The following CENPI variants were observed in gnomAD, a reference collection of about 807,000 sequenced individuals.
CENPI encodes the protein FSH primary response 1.
A neutral mutation model predicts 60.4 loss-of-function variants in CENPI; 4 were observed. The observed-to-expected ratio is 0.07, with a 90% CI of 0.03 to 0.15. The LOEUF (loss-of-function observed/expected upper bound fraction) is 0.15. Among genes scored for constraint, CENPI ranks in the 10% least tolerant of loss-of-function variants. The probability of loss-of-function intolerance (pLI) is 1.00; values close to 1 mark genes in which losing one functional copy is unlikely to be tolerated. For synonymous variants in CENPI, 157 were observed against 189.4 expected, an observed-to-expected ratio of 0.83 and a Z score of 1.40; for missense variants, 444 against 534.5, an observed-to-expected ratio of 0.83 and a Z score of 1.67.
chrX:101,145,312 A>G (rs1346683675), intron 17 of CENPI, 113 bp downstream of exon 17: 2 of 578,098 alleles, frequency 3.5e-6, no homozygotes, highest in Non-Finnish European at 5.4e-6. Context: ...TCTTATTAGC[A>G]TCATTAAAAT....
chrX:101,140,802 C>T, intron 16 of CENPI, 42 bp downstream of exon 16: 2 of 920,225 alleles, frequency 2.2e-6, no homozygotes, highest in Non-Finnish European at 3.2e-6. Flanking sequence ...GATCTGTATA[C>T]AAATGTTTGC....
At position 101,156,432 on chromosome X, in the gene CENPI, G is replaced by A. The variant is rs755244561; in HGVS notation, c.2095-5096G>A. ...AAGGTGAAAGGAATAGCCTCAGGAAGATTGATTTATTGCTAAAAGGGAAAA... is the reference window on the plus strand; with the variant it reads ...AAGGTGAAAGGAATAGCCTCAGGAAAATTGATTTATTGCTAAAAGGGAAAA... On this transcript the variant is annotated intron_variant, in intron 20 of 21. Coordinates refer to ENST00000682095, the MANE Select transcript of CENPI (RefSeq NM_001386188.2). Among the ~76,000 whole-genome samples, 4 of 112,216 alleles carry A rather than the reference G, an allele frequency of 3.6e-5. No individual in the cohort carries two copies. In the South Asian group the frequency reaches 1.5e-3, roughly 41 times the overall value.
chrX:101,122,443 T>A (rs926952581), intron 8 of CENPI, among the ~76,000 whole-genome samples: 5 of 112,272 alleles, frequency 4.5e-5, no homozygotes, highest in Non-Finnish European at 7.5e-5. Flanking sequence ...TATTTTTTCT[T>A]AGTTCTCTGA....
intron 20 of CENPI, among the ~76,000 whole-genome samples, chrX:101,154,919 A>C: frequency 8.9e-6 from 1 of 111,792 alleles, no homozygotes; most frequent in Middle Eastern, 4.6e-3. Flanking sequence ...TTGATCTTAT[A>C]TCTCATAATG....
At chrX:101,143,340 A>T (rs1429051792) in intron 16 of CENPI, among the ~76,000 whole-genome samples, 1 of 111,404 alleles carries the variant, frequency 9.0e-6, no homozygotes, top group Non-Finnish European at 1.9e-5. Context: ...TTAACATTGG[A>T]TTGAAGGACA....
At position 101,146,241 on chromosome X, in the gene CENPI, C is replaced by T; in HGVS notation, c.1790C>T (p.Thr597Ile). 1.7e-6 allele frequency: 2 copies of T among 1,209,403 alleles called. No individual in the cohort carries two copies. Among genetic ancestry groups the T allele is most frequent in the Non-Finnish European group, 2.2e-6 (2 of 893,810 alleles). ...TATTCTGCACTCCTCAGCCTGGATA[C>T]CAGCATCCTGAACCAGCTGTGTTTT... ...IFYSALLSLD[T>I]SILNQLCFIM... The change falls in exon 18 of 22, where the codon ACC (threonine) becomes ATC (isoleucine). Residue 597 changes from threonine to isoleucine, a missense_variant. Transcript: ENST00000682095.
In CENPI at chrX:101,146,972, G is replaced by C. The variant is rs1383982201; in HGVS notation, c.1826+695G>C. Among the ~76,000 whole-genome samples, 5 of 111,679 alleles carry C rather than the reference G, an allele frequency of 4.5e-5. No individual in the cohort carries two copies. The East Asian group carries it at 1.4e-3, about 31-fold the overall frequency. On this transcript the variant is annotated intron_variant, in intron 18 of 21. Transcript: ENST00000682095. ...GCTGGTCTCGAACTCCTGACCTCAG[G>C]TAATCCACCCACCTCGGCCTCCCAA... is the stretch of plus-strand genomic sequence containing the variant.
chrX:101,175,708 A>C, the CENPI span, among the ~76,000 whole-genome samples: 1 of 111,809 alleles, frequency 8.9e-6, no homozygotes, highest in African/African-American at 3.3e-5. Flanking sequence ...TGCATGGGAT[A>C]CATTATTACA....
At position 101,145,465 on chromosome X, in the gene CENPI, T is replaced by C. The variant is rs190292253; in HGVS notation, c.1701+266T>C. ...AATACTGGCCCTAGAGAGAAGTCTA[T>C]TGTTAGCATTATTTTTTGTTCATCC... On this transcript the variant is annotated intron_variant, in intron 17 of 21. Coordinates refer to ENST00000682095, the MANE Select transcript of CENPI (RefSeq NM_001386188.2). 4.7e-3 allele frequency among the ~76,000 whole-genome samples: 518 copies of C among 110,612 alleles called. 1 individual carries two copies. The highest frequency in any genetic ancestry group is 0.019 in the Middle Eastern group (4 of 213).
chrX:101,128,694 A>G (rs771623135), intron 11 of CENPI, 22 bp from the exon 12 acceptor site: 2 of 1,194,310 alleles, frequency 1.7e-6, no homozygotes, highest in South Asian at 1.8e-5. Flanking sequence ...TTAACTGTTG[A>G]TCGGTTGTTC....
At chrX:101,138,947 T>G (rs1170944938) in intron 15 of CENPI, among the ~76,000 whole-genome samples, 10 of 105,171 alleles carry the variant, frequency 9.5e-5, no homozygotes, top group Non-Finnish European at 2.0e-5. Flanking sequence ...TTTCTACTTT[T>G]TTTTTTTTTT....
downstream of CENPI, among the ~76,000 whole-genome samples, chrX:101,168,584 A>T (rs1475860011): frequency 9.0e-6 from 1 of 111,720 alleles, no homozygotes; most frequent in East Asian, 2.8e-4. Flanking sequence ...AACAAAACAA[A>T]ACAAAAAATC....
intron 20 of CENPI, among the ~76,000 whole-genome samples, chrX:101,159,543 C>G (rs908325225): frequency 1.8e-5 from 2 of 109,218 alleles, no homozygotes; most frequent in Admixed American, 2.0e-4. Flanking sequence ...TCTGAAACCT[C>G]CGCCTCCCGA....
chrX:101,132,492 T>G, intron 15 of CENPI, 36 bp downstream of exon 15: 1 of 1,079,028 alleles, frequency 9.3e-7, no homozygotes, highest in African/African-American at 1.8e-5. Flanking sequence ...TTCAATAGGA[T>G]GTATTATTCT....
chrX:101,135,585 C>T (rs900600912), intron 15 of CENPI, among the ~76,000 whole-genome samples: 2 of 112,417 alleles, frequency 1.8e-5, no homozygotes, highest in Admixed American at 1.9e-4. Flanking sequence ...AATATTTAGC[C>T]TAACAAATTC....
intron 15 of CENPI, among the ~76,000 whole-genome samples, chrX:101,140,040 G>A (rs1357489823): frequency 5.4e-5 from 6 of 110,555 alleles, no homozygotes; most frequent in Admixed American, 3.9e-4. Flanking sequence ...GTTTCACCGC[G>A]TTAGCCAGGA....
intron 20 of CENPI, among the ~76,000 whole-genome samples, chrX:101,155,345 A>G (rs1208255575): frequency 9.0e-6 from 1 of 110,549 alleles, no homozygotes; most frequent in Non-Finnish European, 1.9e-5. Context: ...ACCCGCCACC[A>G]CGCCCGGCTA....
chrX:101,151,853 A>C (rs184460262), intron 20 of CENPI, among the ~76,000 whole-genome samples: 349 of 108,841 alleles, frequency 3.2e-3, no homozygotes, highest in African/African-American at 0.01. Flanking sequence ...AAAAAAAAAA[A>C]AAAACAAGAA....
chrX:101,169,967 TTTTAAG>T (rs2090152982), downstream of CENPI, among the ~76,000 whole-genome samples: 1 of 112,417 alleles, frequency 8.9e-6, no homozygotes, highest in African/African-American at 3.2e-5. Context: ...AATTTTAAAA[TTTTAAG>T]TATATGAAGT....
Sources: gnomAD v4.1 joint callset for allele counts (sites outside exome capture counted in the v4.1 genomes callset) on GRCh38, gnomAD v4.1.1 for gene constraint, MANE v1.5 for transcripts, NCBI Gene and HGNC (gene_info 2026-07-23, HGNC 2026-07-21) for gene names.